RAC1: variants seen among roughly 807,000 people sequenced by gnomAD.
RAC1 encodes the protein Rac family small GTPase 1.
In RAC1, 2 loss-of-function variants were observed where a neutral mutation model predicts 25.2. That is an observed-to-expected ratio of 0.08 (90% CI 0.03 to 0.25). The LOEUF (loss-of-function observed/expected upper bound fraction) is 0.25. Among genes scored for constraint, RAC1 ranks in the 10% least tolerant of loss-of-function variants. The pLI, the probability that RAC1 is intolerant of heterozygous loss-of-function variation, is 1.00. For synonymous variants in RAC1, 88 were observed against 94.0 expected, an observed-to-expected ratio of 0.94 and a Z score of 0.37; for missense variants, 50 against 235.7, an observed-to-expected ratio of 0.21 and a Z score of 5.16.
At chr7:6,378,279 C>T (rs919607019) in intron 1 of RAC1, among the ~76,000 whole-genome samples, 44 of 152,144 alleles carry the variant, frequency 2.9e-4, no homozygotes, top group Non-Finnish European at 1.9e-4. Flanking sequence ...GGTGCGGTGG[C>T]TCATGCCTGT....
intron 2 of RAC1, among the ~76,000 whole-genome samples, chr7:6,391,098 A>C (rs141198012): frequency 8.0e-4 from 122 of 152,202 alleles, no homozygotes; most frequent in African/African-American, 2.7e-3. Context: ...AAGTTTCGTC[A>C]TGTTGGCCAG....
At position 6,394,744 on chromosome 7, in the gene RAC1, G is replaced by C. The variant is rs541569028; in HGVS notation, c.225+2703G>C. Among the ~76,000 whole-genome samples the C allele has an allele frequency of 6.6e-5, 10 of 152,254 alleles. 1 individual carries two copies. In the South Asian group the frequency reaches 1.9e-3, roughly 28 times the overall value. ...TGCCCAGGCTGGAGTGCAATGGTGT[G>C]ATCTTGGCTCACTGCAACCTCCGCT... On this transcript the variant is annotated intron_variant, in intron 3 of 5. Coordinates refer to ENST00000348035, the MANE Select transcript of RAC1 (RefSeq NM_006908.5).
At position 6,400,072 on chromosome 7, in the gene RAC1, A is replaced by G. The variant is rs1029554364; in HGVS notation, c.226-54A>G. 5 of 1,483,620 alleles carry G rather than the reference A, an allele frequency of 3.4e-6. No individual in the cohort carries two copies. In the Admixed American group the frequency reaches 8.4e-5, roughly 25 times the overall value. The allele number at this position is 1,483,620 out of a possible 1,614,324, so 91.9% of individuals were successfully genotyped here. On this transcript the variant is annotated intron_variant, in intron 3 of 5. Transcript: ENST00000348035. ...CAGCAACATGTAGAAAGCAAAGTGC[A>G]TGCTTCATTCTAAGGTTGTTGTCTA...
intron 1 of RAC1, among the ~76,000 whole-genome samples, chr7:6,381,194 G>A (rs934982194): frequency 1.3e-5 from 2 of 152,246 alleles, no homozygotes; most frequent in South Asian, 2.1e-4. Context: ...TAGGGACTGT[G>A]TGCAGTTACA....
intron 5 of RAC1, 36 bp downstream of exon 5, chr7:6,402,063 T>C (rs747645779): frequency 6.9e-6 from 11 of 1,595,390 alleles, no homozygotes; most frequent in Non-Finnish European, 9.4e-6. Flanking sequence ...TCCTTGTACC[T>C]CTTTTATTGT....
At chr7:6,381,119 C>T (rs760770113) in intron 1 of RAC1, among the ~76,000 whole-genome samples, 3 of 152,088 alleles carry the variant, frequency 2.0e-5, no homozygotes, top group Admixed American at 6.6e-5. Flanking sequence ...CCACCTGCCT[C>T]GGCCTCCCAA....
intron 1 of RAC1, among the ~76,000 whole-genome samples, chr7:6,377,988 G>C (rs1444944185): frequency 6.6e-6 from 1 of 152,062 alleles, no homozygotes; most frequent in Admixed American, 6.6e-5. Flanking sequence ...TGTCCTTTCA[G>C]GCTGTACGTC....
intron 4 of RAC1, 113 bp from the exon 5 acceptor site, chr7:6,401,755 A>C (rs1783409322): frequency 8.2e-6 from 9 of 1,093,870 alleles, no homozygotes; most frequent in Middle Eastern, 2.1e-4. Flanking sequence ...CTCCGTGGGG[A>C]GGCCTTGCCT....
At chr7:6,393,791 C>T (rs146543179) in intron 3 of RAC1, among the ~76,000 whole-genome samples, 51 of 152,230 alleles carry the variant, frequency 3.4e-4, no homozygotes, top group African/African-American at 1.1e-3. Flanking sequence ...GGGGGTGAGC[C>T]GGGCGCTTAA....
intron 3 of RAC1, 183 bp from the exon 4 acceptor site, chr7:6,399,943 A>T: frequency 3.3e-6 from 2 of 600,446 alleles, no homozygotes; most frequent in East Asian, 2.8e-5. Flanking sequence ...GTGGCTTGAC[A>T]TGCTGGGTTT....
chr7:6,399,806 T>A (rs754654490), intron 3 of RAC1: 118 of 310,128 alleles, frequency 3.8e-4, no homozygotes, highest in Non-Finnish European at 6.6e-4. Context: ...ACCTTTATAC[T>A]TGATTTTTTC....
chr7:6,398,576 C>T (rs1783311491), intron 3 of RAC1: 1 of 1,212,886 alleles, frequency 8.2e-7, no homozygotes, highest in African/African-American at 1.5e-5. Flanking sequence ...AGACAAAATT[C>T]TAATAAAGAA....
Position 6,402,536 on chromosome 7 carries a change from A to AAAAAAAAAAC in RAC1, c.*91_*92insAAAAAAAACA. On this transcript the variant is annotated 3_prime_UTR_variant, in exon 6 of 6. Coordinates refer to ENST00000348035, the MANE Select transcript of RAC1 (RefSeq NM_006908.5). ...ACAAAAAAAAAAAACAAAAAAAAAA[A>AAAAAAAAAAC]ACAACGGTGGAGCCTTCGCACTCAA... 4 of 947,902 alleles carry AAAAAAAAAAC rather than the reference A, an allele frequency of 4.2e-6. No homozygotes were observed. The highest frequency in any genetic ancestry group is 1.0e-4 in the East Asian group (2 of 19,622). 58.7% of individuals were successfully genotyped at this position (947,902 alleles called of 1,614,324 possible). A position where few individuals can be genotyped will look rare whatever the true frequency, so the allele number is the denominator to read the frequency against.
At chr7:6,398,833 T>A in intron 3 of RAC1, 2 of 977,076 alleles carry the variant, frequency 2.0e-6, no homozygotes, top group Non-Finnish European at 3.1e-6. Flanking sequence ...TTATATTTAA[T>A]TCACTCAAGG....
chr7:6,377,208 T>TC (rs539915607), intron 1 of RAC1, among the ~76,000 whole-genome samples: 102 of 149,702 alleles, frequency 6.8e-4, no homozygotes, highest in Middle Eastern at 3.4e-3. Flanking sequence ...CTGTTTTTTT[T>TC]TTTTAATTAG....
At chr7:6,389,007 C>T (rs900588203) in intron 2 of RAC1, among the ~76,000 whole-genome samples, 2 of 151,278 alleles carry the variant, frequency 1.3e-5, no homozygotes, top group Non-Finnish European at 3.0e-5. Flanking sequence ...TCGAGACCAA[C>T]CTGGCCAACA....
intron 1 of RAC1, among the ~76,000 whole-genome samples, chr7:6,384,947 T>C (rs983332231): frequency 2.6e-5 from 4 of 151,890 alleles, no homozygotes; most frequent in Admixed American, 6.6e-5. Flanking sequence ...CTGAGACTAC[T>C]GCTGCACACC....
At chr7:6,382,693 T>C (rs1417523492) in intron 1 of RAC1, among the ~76,000 whole-genome samples, 1 of 152,184 alleles carries the variant, frequency 6.6e-6, no homozygotes, top group African/African-American at 2.4e-5. Context: ...CAAAACCCTG[T>C]CTCTACTGAA....
intron 1 of RAC1, among the ~76,000 whole-genome samples, chr7:6,378,006 C>A (rs1179053575): frequency 6.6e-6 from 1 of 152,156 alleles, no homozygotes. Flanking sequence ...GTCCCTCCAT[C>A]CTGCCCTCCT....
Sources: allele counts gnomAD v4.1 joint callset (sites outside exome capture counted in the v4.1 genomes callset), GRCh38; gene constraint gnomAD v4.1.1; transcripts MANE v1.5; gene names NCBI Gene and HGNC (gene_info 2026-07-23, HGNC 2026-07-21).